Variants in DST observed in about 807,000 individuals in gnomAD.
DST encodes dystonin, also known as bullous pemphigoid antigen.
DST carries 253 observed loss-of-function variants against 875.2 expected under a neutral mutation model. The ratio of observed to expected loss-of-function variants is 0.29; its 90% CI spans 0.26 to 0.32. DST has a LOEUF of 0.32. Ranked by LOEUF, DST falls within the 10% of genes least tolerant of loss-of-function variation. The pLI, the probability that DST is intolerant of heterozygous loss-of-function variation, is 1.00. For missense variants in DST, 8,287 were observed against 9,111.6 expected, an observed-to-expected ratio of 0.91 and a Z score of 3.68; for synonymous variants, 3,124 against 3,197.1, an observed-to-expected ratio of 0.98 and a Z score of 0.77.
intron 4 of DST, among the ~76,000 whole-genome samples, chr6:56,786,914 C>G (rs1270073108): frequency 1.3e-5 from 2 of 152,182 alleles, no homozygotes; most frequent in African/African-American, 4.8e-5. Flanking sequence ...CATCCATCAC[C>G]TGAATGTGGG....
chr6:56,560,252 G>T, intron 58 of DST, 42 bp downstream of exon 58: 1 of 1,506,678 alleles, frequency 6.6e-7, no homozygotes, highest in Non-Finnish European at 8.9e-7. Context: ...AAAAATGATT[G>T]CACTTTTCTT....
intron 5 of DST, among the ~76,000 whole-genome samples, chr6:56,731,532 A>C (rs2099498352): frequency 6.6e-6 from 1 of 152,198 alleles, no homozygotes; most frequent in Non-Finnish European, 1.5e-5. Context: ...GATTTTCTTT[A>C]AACAAGATGC....
At position 56,611,542 on chromosome 6, in the gene DST, T is replaced by TTTGAAG; in HGVS notation, c.5107_5112dup (p.Leu1703_Gln1704dup). The TTTGAAG allele has an allele frequency of 6.2e-7, 1 of 1,613,216 alleles. No individual in the cohort carries two copies. Among genetic ancestry groups the TTTGAAG allele is most frequent in the Non-Finnish European group, 8.5e-7 (1 of 1,179,516 alleles). On this transcript the variant is annotated inframe_insertion, in exon 38 of 104. Coordinates refer to ENST00000680361, the MANE Select transcript of DST (RefSeq NM_001374736.1). ...TGTTTTGCCAAAAAAAGCTGTATAG[T>TTTGAAG]TTGAAGTGCTTCCGATAATTGTTCC...
At chr6:56,778,527 TC>T (rs2099684533) in intron 4 of DST, among the ~76,000 whole-genome samples, 1 of 90,502 alleles carries the variant, frequency 1.1e-5, no homozygotes, top group South Asian at 4.8e-4. Flanking sequence ...ATGGTATCCC[TC>T]CCCCCTCCCC....
Position 56,555,387 on chromosome 6 carries a change from C to T in DST, c.15094G>A (p.Glu5032Lys), listed in dbSNP as rs750812929. The T allele has an allele frequency of 1.6e-5, 25 of 1,607,574 alleles. No individual in the cohort carries two copies. In the East Asian group the frequency reaches 2.9e-4, roughly 19 times the overall value. Residue 5032 changes from glutamate to lysine, a missense_variant, in exon 60 of 104, where the codon GAA (glutamate) becomes AAA (lysine). By Grantham distance (56) the Glu-to-Lys change is moderately conservative. Coordinates refer to ENST00000680361, the MANE Select transcript of DST (RefSeq NM_001374736.1). ...TCCTTAAATGATTTTAAGATGCCTT[C>T]TAGTTGCCTACTAAGTTCTGCTTTC... ...YLKAELSRQL[E>K]GILKSFKDVE...
rs974323327 is a variant in DST, at chr6:56,706,775, C to T, written c.688-2406G>A. ...CCAGCACTTTGGAGGCCAAGGTGGG[C>T]GGATCACTTGAGGTCAGGAGTTCGA... On this transcript the variant is annotated intron_variant, in intron 5 of 103. Coordinates refer to ENST00000680361, the MANE Select transcript of DST (RefSeq NM_001374736.1). Among the ~76,000 whole-genome samples, 15 of 152,036 alleles carry T rather than the reference C, an allele frequency of 9.9e-5. No homozygotes were observed. In the East Asian group the frequency reaches 1.9e-3, roughly 20 times the overall value.
chr6:56,634,469 C>A lies in DST; in HGVS notation c.3487G>T (p.Ala1163Ser). The change falls in exon 26 of 104, where the codon GCC becomes TCC. Residue 1163 changes from alanine (A) to serine (S), a missense_variant. Ala to Ser is a moderately conservative substitution (Grantham distance 99, BLOSUM62 1). Around this residue, in one of 10 missense-constraint regions of DST, gnomAD observed 1,160 missense variants for 1,424.3 expected, o/e 0.81. Transcript: ENST00000680361. Reference protein sequence around the residue: ...PPPNKEAVDLANRIEQQYQNV... With the variant: ...PPPNKEAVDLSNRIEQQYQNV... ...TAGCTAATATATACAAACCTGTTGG[C>A]AAGGTCCACCGCTTCTTTGTTTGGT... 1 of 1,614,120 alleles carries A rather than the reference C, an allele frequency of 6.2e-7. No homozygotes were observed.
chr6:56,782,289 G>A (rs1171446754), intron 4 of DST, among the ~76,000 whole-genome samples: 3 of 152,220 alleles, frequency 2.0e-5, no homozygotes, highest in African/African-American at 4.8e-5. Flanking sequence ...ACTAGTTTCA[G>A]AAGGAATGGT....
rs1191568097 is a variant in DST, at chr6:56,572,827, A to C, written c.13474T>G (p.Phe4492Val). The C allele has an allele frequency of 1.2e-6, 2 of 1,610,706 alleles. No individual in the cohort carries two copies. The highest frequency in any genetic ancestry group is 4.5e-5 in the East Asian group (2 of 44,814). Residue 4492 changes from phenylalanine to valine, a missense_variant, in exon 52 of 104, where the codon TTT becomes GTT. Coordinates refer to ENST00000680361, the MANE Select transcript of DST (RefSeq NM_001374736.1). ...AGAGCCTGAGTTTTTGTTTCTAAAA[A>C]TGTCTGGAGCTTTTCTGAGAGGTTC... ...FENLSEKLQTFLETKTQALTE... is the reference protein window; with the variant it reads ...FENLSEKLQTVLETKTQALTE...
intron 97 of DST, 51 bp from the exon 98 acceptor site, chr6:56,469,050 T>G: frequency 6.9e-7 from 1 of 1,450,166 alleles, no homozygotes; most frequent in Admixed American, 1.9e-5. Context: ...AACAGGAAAC[T>G]TTCTGTATGA....
rs1816480130 is a variant in DST at position 56,941,393 on chromosome 6, A to G, written c.216+12392T>C. ...TTCCTATATAATCTGTATTATTTCA[A>G]TCCTTTAAATTAATTGTGACTTGTA... On this transcript the variant is annotated intron_variant, in intron 2 of 103. Transcript: ENST00000680361. 3.3e-5 allele frequency among the ~76,000 whole-genome samples: 5 copies of G among 152,148 alleles called. No homozygotes were observed. The South Asian group carries it at 8.3e-4, about 25-fold the overall frequency.
chr6:56,579,063 TTCA>T (rs1445375467), intron 49 of DST, 126 bp from the exon 50 acceptor site: 21 of 778,234 alleles, frequency 2.7e-5, no homozygotes, highest in Non-Finnish European at 3.8e-5. Context: ...CATACCAACT[TTCA>T]TCATCAACTT....
rs115805030 is a variant in DST at position 56,900,936 on chromosome 6, A to G, written c.217-315T>C. 2.7e-3 allele frequency among the ~76,000 whole-genome samples: 406 copies of G among 151,652 alleles called. 1 individual carries two copies. Among genetic ancestry groups the G allele is most frequent in the Non-Finnish European group, 4.4e-3 (298 of 67,962 alleles). On this transcript the variant is annotated intron_variant, in intron 2 of 103. Transcript: ENST00000680361. The stretch of plus-strand genomic sequence containing the variant: ...GGGCACACTGCTTGACTGAAGCATC[A>G]GGGAGACTGTGAAGAAGGGCGTTTC...
Position 56,624,344 on chromosome 6 carries a change from G to C in DST, c.4929+186C>G, listed in dbSNP as rs1586955767. ...ACTTTCTATTTGAATGAATCTTAAA[G>C]ACAAACAAAAATCTTAGGCCTTCAG... On this transcript the variant is annotated intron_variant, in intron 36 of 103. Transcript: ENST00000680361. 8.8e-6 allele frequency: 6 copies of C among 681,312 alleles called. No individual in the cohort carries two copies. In the East Asian group the frequency reaches 1.6e-4, roughly 18 times the overall value. The allele number at this position is 681,312 out of a possible 1,614,324, so 42.2% of individuals were successfully genotyped here.
At chr6:56,824,172 C>G (rs944676692) in intron 4 of DST, among the ~76,000 whole-genome samples, 2 of 152,184 alleles carry the variant, frequency 1.3e-5, no homozygotes, top group African/African-American at 4.8e-5. Context: ...CCACGCCTGA[C>G]TGGTTTTCGT....
chr6:56,646,229 G>GAAAACAGATC, intron 13 of DST, 47 bp from the exon 14 acceptor site: 1 of 1,100,940 alleles, frequency 9.1e-7, no homozygotes, highest in Non-Finnish European at 1.3e-6. Context: ...TAAAAGATCT[G>GAAAACAGATC]TTTTCATGAT....
chr6:56,642,147 A>C, intron 16 of DST, 46 bp from the exon 17 acceptor site: 3 of 1,472,540 alleles, frequency 2.0e-6, no homozygotes, highest in Non-Finnish European at 2.8e-6. Flanking sequence ...AACAAGTTTC[A>C]AAACAACCTG....
intron 15 of DST, among the ~76,000 whole-genome samples, chr6:56,643,686 C>G (rs553757436): frequency 4.7e-4 from 71 of 152,258 alleles, no homozygotes; most frequent in Non-Finnish European, 2.8e-4. Context: ...ATTTTCCTAC[C>G]TCCAATAATA....
chr6:56,462,384 G>A (rs1192388673), intron 102 of DST, among the ~76,000 whole-genome samples: 2 of 151,970 alleles, frequency 1.3e-5, no homozygotes, highest in East Asian at 3.9e-4. Context: ...TAAAAAGTTA[G>A]AGCATGCTTA....
Sources: gnomAD v4.1 joint callset for allele counts (sites outside exome capture counted in the v4.1 genomes callset) on GRCh38, gnomAD v4.1.1 for gene constraint, gnomAD v4.1.1 regional missense constraint, MANE v1.5 for transcripts, NCBI Gene and HGNC (gene_info 2026-07-23, HGNC 2026-07-21) for gene names.